The following LIPH variants were observed in gnomAD, a reference collection of about 807,000 sequenced individuals.
LIPH encodes lipase member H.
In LIPH, 32 loss-of-function variants were observed where a neutral mutation model predicts 47.6. The ratio of observed to expected loss-of-function variants is 0.67; its 90% CI spans 0.51 to 0.90. LIPH has a LOEUF of 0.90. Among genes scored for constraint, LIPH ranks in the 40% least tolerant of loss-of-function variants. The pLI is 0.00. For synonymous variants in LIPH, 190 were observed against 195.6 expected (o/e 0.97, Z 0.24); for missense variants, 497 against 541.4 (o/e 0.92, Z 0.81).
intron 8 of LIPH, among the ~76,000 whole-genome samples, chr3:185,513,377 C>T (rs1719631559): frequency 6.6e-6 from 1 of 150,434 alleles, no homozygotes; most frequent in African/African-American, 2.4e-5. Flanking sequence ...TCAAAAGACA[C>T]AGAATCATCT....
At chr3:185,540,414 T>C (rs1720665685) in intron 1 of LIPH, among the ~76,000 whole-genome samples, 1 of 152,106 alleles carries the variant, frequency 6.6e-6, no homozygotes, top group Non-Finnish European at 1.5e-5. Context: ...AACACCTTGA[T>C]AACTCTATAT....
chr3:185,537,118 C>T (rs1306511585), intron 1 of LIPH, among the ~76,000 whole-genome samples: 1 of 152,192 alleles, frequency 6.6e-6, no homozygotes, highest in African/African-American at 2.4e-5. Context: ...CTCCTGACCT[C>T]GGGTGATCCG....
Position 185,519,577 on chromosome 3 carries a change from T to C in LIPH, c.719-268A>G, listed in dbSNP as rs375734695. Among the ~76,000 whole-genome samples, 25 of 152,214 alleles carry C rather than the reference T, an allele frequency of 1.6e-4. No homozygotes were observed. In the South Asian group the frequency reaches 5.0e-3, roughly 30 times the overall value. On this transcript the variant is annotated intron_variant, in intron 5 of 9. Coordinates refer to ENST00000296252, the MANE Select transcript of LIPH (RefSeq NM_139248.3). Reference sequence around the variant, plus strand: ...AGGGCCAGGTGCAGTGGCTCACGCCTGTAATCCCAGCACTTTAGGAGGCCG... The same window carrying C: ...AGGGCCAGGTGCAGTGGCTCACGCCCGTAATCCCAGCACTTTAGGAGGCCG...
chr3:185,526,347 C>G (rs1720071095), intron 4 of LIPH, among the ~76,000 whole-genome samples: 1 of 151,796 alleles, frequency 6.6e-6, no homozygotes, highest in Admixed American at 6.6e-5. Context: ...ATAGTGAAAC[C>G]CTGTCTCTAG....
chr3:185,516,754 C>T (rs1172563966), intron 7 of LIPH, among the ~76,000 whole-genome samples: 2 of 152,150 alleles, frequency 1.3e-5, no homozygotes, highest in African/African-American at 4.8e-5. Context: ...GTGAAACTAA[C>T]AACTCTGATT....
chr3:185,523,716 CT>C (rs144957712), intron 5 of LIPH, among the ~76,000 whole-genome samples: 4 of 150,312 alleles, frequency 2.7e-5, no homozygotes, highest in African/African-American at 7.3e-5. Flanking sequence ...CAAAATATGC[CT>C]TTTTTTTAAT....
At chr3:185,526,747 C>T (rs969319304) in intron 4 of LIPH, among the ~76,000 whole-genome samples, 1 of 146,868 alleles carries the variant, frequency 6.8e-6, no homozygotes, top group Non-Finnish European at 1.5e-5. Flanking sequence ...ACAGCAATGG[C>T]CAAGAAGATC....
intron 1 of LIPH, among the ~76,000 whole-genome samples, chr3:185,543,686 C>G (rs1720781523): frequency 1.3e-5 from 2 of 152,154 alleles, no homozygotes; most frequent in Admixed American, 6.5e-5. Context: ...TTTGAGACAG[C>G]CTGGGCAACA....
In LIPH at chr3:185,519,255, G is replaced by A; in HGVS notation, c.773C>T (p.Ser258Phe). Reference sequence around the variant, plus strand: ...AGTGATGGTGCAGCTCTCTCTCAGGGAAGACAGGTACAGGTATACAGACCT... The same window carrying A: ...AGTGATGGTGCAGCTCTCTCTCAGGAAAGACAGGTACAGGTATACAGACCT... ...HQRSVYLYLSSLRESCTITAY... is the reference protein window; with the variant it reads ...HQRSVYLYLSFLRESCTITAY... Residue 258 changes from serine (S) to phenylalanine (F), a missense_variant, in exon 6 of 10, where the codon TCC (serine) becomes TTC (phenylalanine). Transcript: ENST00000296252. 1 of 1,613,068 alleles carries A rather than the reference G, an allele frequency of 6.2e-7. No individual in the cohort carries two copies. Among genetic ancestry groups the A allele is most frequent in the Non-Finnish European group, 8.5e-7 (1 of 1,179,066 alleles).
intron 1 of LIPH, among the ~76,000 whole-genome samples, chr3:185,541,766 T>A (rs1245524471): frequency 1.9e-4 from 28 of 150,830 alleles, no homozygotes; most frequent in Non-Finnish European, 3.1e-4. Context: ...ATTATTATTT[T>A]TTTTTTTAGA....
At chr3:185,521,319 T>A (rs950794519) in intron 5 of LIPH, among the ~76,000 whole-genome samples, 1 of 152,198 alleles carries the variant, frequency 6.6e-6, no homozygotes, top group Non-Finnish European at 1.5e-5. Flanking sequence ...TTCCAGATCA[T>A]AACACAGTGC....
chr3:185,526,712 A>T (rs1440259925), intron 4 of LIPH, among the ~76,000 whole-genome samples: 1 of 144,076 alleles, frequency 6.9e-6, no homozygotes, highest in Admixed American at 6.9e-5. Context: ...TAAAATAAAT[A>T]AAATAAAATA....
rs1560167651 is a variant in LIPH at position 185,534,952 on chromosome 3, C to A, written c.230G>T (p.Gly77Val). Residue 77 changes from glycine (G) to valine (V), a missense_variant, in exon 2 of 10, where the codon GGA becomes GTA. Coordinates refer to ENST00000296252, the MANE Select transcript of LIPH (RefSeq NM_139248.3). The stretch of plus-strand genomic sequence containing the variant: ...AGGAGGGGAGCCTGTTGGCCTGAAT[C>A]CATGGACAATGAAGGTGGTTTTCTT... ...VTKKTTFIVH[G>V]FRPTGSPPVW... 1.2e-6 allele frequency: 2 copies of A among 1,614,006 alleles called. No individual in the cohort carries two copies. Among genetic ancestry groups the A allele is most frequent in the Admixed American group, 1.7e-5 (1 of 59,992 alleles).
intron 1 of LIPH, among the ~76,000 whole-genome samples, chr3:185,538,126 C>T (rs144960939): frequency 1.3e-5 from 2 of 152,176 alleles, no homozygotes; most frequent in Admixed American, 1.3e-4. Flanking sequence ...TCTTTTAAGT[C>T]TTAGTTATTT....
At chr3:185,548,948 A>G (rs1055628602) in intron 1 of LIPH, among the ~76,000 whole-genome samples, 2 of 151,678 alleles carry the variant, frequency 1.3e-5, no homozygotes, top group African/African-American at 4.9e-5. Flanking sequence ...CCTGGCCAAG[A>G]TGGCGAAACT....
In LIPH at chr3:185,547,623, G is replaced by A. The variant is rs939600341; in HGVS notation, c.49+4800C>T. Among the ~76,000 whole-genome samples, 6 of 152,018 alleles carry A rather than the reference G, an allele frequency of 3.9e-5. No individual in the cohort carries two copies. The East Asian group carries it at 1.2e-3, about 29-fold the overall frequency. On this transcript the variant is annotated intron_variant, in intron 1 of 9. Transcript: ENST00000296252. ...GAGTTCAGGAGTTTGAGACCAGCCT[G>A]GCCAGCCTGGCCAACATGGCGAAAC...
intron 8 of LIPH, among the ~76,000 whole-genome samples, chr3:185,513,021 G>A (rs1484935780): frequency 2.0e-5 from 3 of 152,086 alleles, no homozygotes; most frequent in Non-Finnish European, 4.4e-5. Flanking sequence ...CTGGAAACCC[G>A]TGTGCCAGAA....
At chr3:185,519,836 CAAAAAAAAAAAAAAAAAAAAA>C in intron 5 of LIPH, among the ~76,000 whole-genome samples, 1 of 53,832 alleles carries the variant, frequency 1.9e-5, no homozygotes, top group East Asian at 6.9e-4. Context: ...CACTCCATCT[CAAAAAAAAAAAAAAAAAAAAA>C]AAAAAAAAAA....
intron 9 of LIPH, among the ~76,000 whole-genome samples, chr3:185,510,776 G>C (rs1432707274): frequency 6.6e-6 from 1 of 152,126 alleles, no homozygotes; most frequent in Admixed American, 6.6e-5. Context: ...TGGGTGTGGT[G>C]GACGTGCCTG....
Sources: allele counts gnomAD v4.1 joint callset (sites outside exome capture counted in the v4.1 genomes callset), GRCh38; gene constraint gnomAD v4.1.1; transcripts MANE v1.5; gene names NCBI Gene and HGNC (gene_info 2026-07-23, HGNC 2026-07-21).